The following ALDH18A1 variants were observed in gnomAD, a reference collection of about 807,000 sequenced individuals.
ALDH18A1 encodes the protein delta-1-pyrroline-5-carboxylate synthase.
Under a neutral mutation model 88.8 loss-of-function variants are expected in ALDH18A1, and 44 were observed. The observed-to-expected ratio is 0.50, with a 90% CI of 0.39 to 0.64. The LOEUF is 0.64. Ranked by LOEUF, ALDH18A1 falls within the 30% of genes least tolerant of loss-of-function variation. The probability of loss-of-function intolerance (pLI) is 0.00; values close to 1 mark genes in which losing one functional copy is unlikely to be tolerated. For missense variants in ALDH18A1, 782 were observed against 1,009.5 expected (o/e 0.77, Z 3.05); for synonymous variants, 331 against 372.1 (o/e 0.89, Z 1.27).
chr10:95,641,257 T>A (rs1481257305), intron 3 of ALDH18A1, among the ~76,000 whole-genome samples: 1 of 152,104 alleles, frequency 6.6e-6, no homozygotes, highest in African/African-American at 2.4e-5. Flanking sequence ...TCTGGACCCA[T>A]CGCTCACTGT....
At chr10:95,613,474 G>C (rs538848987) in intron 15 of ALDH18A1, among the ~76,000 whole-genome samples, 2 of 152,312 alleles carry the variant, frequency 1.3e-5, no homozygotes, top group Admixed American at 1.3e-4. Flanking sequence ...AGTCAGCATA[G>C]TGCCATGTGG....
chr10:95,622,338 C>A (rs978048356), intron 11 of ALDH18A1, among the ~76,000 whole-genome samples: 1 of 152,084 alleles, frequency 6.6e-6, no homozygotes, highest in African/African-American at 2.4e-5. Context: ...GCTAGGACTA[C>A]AGGCACGTAT....
chr10:95,647,817 A>G (rs1566044819), intron 2 of ALDH18A1, among the ~76,000 whole-genome samples: 1 of 152,246 alleles, frequency 6.6e-6, no homozygotes, highest in African/African-American at 2.4e-5. Context: ...TGCCTATCCA[A>G]TAAGTCTCCA....
intron 12 of ALDH18A1, among the ~76,000 whole-genome samples, chr10:95,617,072 C>A (rs1312547843): frequency 1.3e-5 from 2 of 152,156 alleles, no homozygotes; most frequent in African/African-American, 4.8e-5. Flanking sequence ...CATGGTGAAA[C>A]CCCATCTCTA....
rs774916138 is a variant in ALDH18A1, at chr10:95,610,208, C to T, written c.2195G>A (p.Arg732His). Residue 732 changes from arginine (R) to histidine (H), a missense_variant, in exon 17 of 18, where the codon CGC (arginine) becomes CAC (histidine). Coordinates refer to ENST00000371224, the MANE Select transcript of ALDH18A1 (RefSeq NM_002860.4). Reference sequence around the variant, plus strand: ...AGAGTCTTTCTTACCCAGTCCAAAGCGGTAACCATCAGAAAAGCGAGTGCT... The same window carrying T: ...AGAGTCTTTCTTACCCAGTCCAAAGTGGTAACCATCAGAAAAGCGAGTGCT... ...NASTRFSDGY[R>H]FGLGAEVGIS... 3 of 1,613,920 alleles carry T rather than the reference C, an allele frequency of 1.9e-6. No homozygotes were observed. Among genetic ancestry groups the T allele is most frequent in the Non-Finnish European group, 2.5e-6 (3 of 1,179,858 alleles).
intron 3 of ALDH18A1, among the ~76,000 whole-genome samples, chr10:95,638,975 C>G (rs2097886318): frequency 1.3e-5 from 2 of 151,922 alleles, no homozygotes; most frequent in African/African-American, 4.8e-5. Context: ...AGGACTCAAG[C>G]AACCCCCTGA....
chr10:95,637,848 T>C (rs544886073), intron 3 of ALDH18A1, among the ~76,000 whole-genome samples: 2 of 152,030 alleles, frequency 1.3e-5, no homozygotes, highest in South Asian at 4.1e-4. Flanking sequence ...GCATGCCAGC[T>C]ACTTGGGAGG....
At chr10:95,613,597 C>T in intron 15 of ALDH18A1, 145 bp downstream of exon 15, 1 of 1,087,662 alleles carries the variant, frequency 9.2e-7, no homozygotes, top group Non-Finnish European at 1.4e-6. Flanking sequence ...GTTTTACTCA[C>T]ACTTTACTTA....
chr10:95,616,178 C>A (rs1196858947), intron 13 of ALDH18A1, among the ~76,000 whole-genome samples: 1 of 152,204 alleles, frequency 6.6e-6, no homozygotes, highest in African/African-American at 2.4e-5. Flanking sequence ...GGAACCTAGG[C>A]CTCACACTCT....
chr10:95,650,953 G>A (rs2097909429), intron 2 of ALDH18A1, among the ~76,000 whole-genome samples: 1 of 152,096 alleles, frequency 6.6e-6, no homozygotes. Flanking sequence ...GGCCAACATG[G>A]TAAAACCCTG....
chr10:95,625,135 T>C (rs978971631), intron 11 of ALDH18A1, among the ~76,000 whole-genome samples: 3 of 152,158 alleles, frequency 2.0e-5, no homozygotes, highest in African/African-American at 7.2e-5. Flanking sequence ...TAGCCACAGC[T>C]TGTGACCTGT....
chr10:95,608,129 T>TGTC (rs1216874140), intron 17 of ALDH18A1, among the ~76,000 whole-genome samples: 1 of 152,246 alleles, frequency 6.6e-6, no homozygotes, highest in East Asian at 1.9e-4. Flanking sequence ...AATCTGTTAC[T>TGTC]GTCATTAATG....
chr10:95,635,755 C>T (rs540110798), intron 5 of ALDH18A1, among the ~76,000 whole-genome samples: 10 of 152,238 alleles, frequency 6.6e-5, no homozygotes, highest in African/African-American at 2.4e-4. Flanking sequence ...ATGGCTGATG[C>T]TGCATGGACT....
chr10:95,606,753 T>A lies in ALDH18A1; in HGVS notation c.*9A>T. 1.2e-6 allele frequency: 2 copies of A among 1,614,158 alleles called. No individual in the cohort carries two copies. Among genetic ancestry groups the A allele is most frequent in the South Asian group, 2.2e-5 (2 of 91,082 alleles). Reference sequence around the variant, plus strand: ...CTTTTGGAAAATTCCCGGGTTTTCCTGGCTCTTTTCAGTTGGTGTTTCTCT... The same window carrying A: ...CTTTTGGAAAATTCCCGGGTTTTCCAGGCTCTTTTCAGTTGGTGTTTCTCT... On this transcript the variant is annotated 3_prime_UTR_variant, in exon 18 of 18. Coordinates refer to ENST00000371224, the MANE Select transcript of ALDH18A1 (RefSeq NM_002860.4).
chr10:95,607,895 G>A (rs1252583062), intron 17 of ALDH18A1, among the ~76,000 whole-genome samples: 1 of 152,152 alleles, frequency 6.6e-6, no homozygotes, highest in African/African-American at 2.4e-5. Context: ...CAGTAGGGGC[G>A]GGATGTGCTT....
rs2097851496 is a variant in ALDH18A1, at chr10:95,621,019, G to A, written c.1467+12C>T. The A allele has an allele frequency of 1.9e-6, 3 of 1,612,272 alleles. No individual in the cohort carries two copies. The highest frequency in any genetic ancestry group is 4.5e-5 in the East Asian group (2 of 44,856). ...ATGGCAGGGTATTTATTCTCCCGGG[G>A]TATATACACACCTGGGGTAGACAGT... On this transcript the variant is annotated intron_variant, in intron 12 of 17. Coordinates refer to ENST00000371224, the MANE Select transcript of ALDH18A1 (RefSeq NM_002860.4).
intron 11 of ALDH18A1, among the ~76,000 whole-genome samples, chr10:95,622,297 A>G (rs1466043943): frequency 6.6e-6 from 1 of 152,152 alleles, no homozygotes; most frequent in Admixed American, 6.5e-5. Context: ...TCCGGGGCTC[A>G]AGTGATCCTC....
chr10:95,642,811 T>C (rs546325533), intron 3 of ALDH18A1, among the ~76,000 whole-genome samples, 181 bp downstream of exon 3: 47 of 152,364 alleles, frequency 3.1e-4, no homozygotes, highest in African/African-American at 1.1e-3. Flanking sequence ...TCCCATTTTC[T>C]TGCCCTAAGA....
At position 95,606,444 on chromosome 10, in the gene ALDH18A1, A is replaced by T; in HGVS notation, c.*318T>A. ...AGGGGGACTGTAAGTCACTGAGGTGACACAAAGCAGCCATGGGTTTTCCTC... is the reference window on the plus strand; with the variant it reads ...AGGGGGACTGTAAGTCACTGAGGTGTCACAAAGCAGCCATGGGTTTTCCTC... On this transcript the variant is annotated 3_prime_UTR_variant, in exon 18 of 18. Coordinates refer to ENST00000371224, the MANE Select transcript of ALDH18A1 (RefSeq NM_002860.4). 8.2e-7 allele frequency: 1 copy of T among 1,216,558 alleles called. No homozygotes were observed. Among genetic ancestry groups the T allele is most frequent in the Non-Finnish European group, 1.0e-6 (1 of 966,158 alleles). 75.4% of individuals were successfully genotyped at this position (1,216,558 alleles called of 1,614,324 possible). A position where few individuals can be genotyped will look rare whatever the true frequency, so the allele number is the denominator to read the frequency against.
Sources: gnomAD v4.1 joint callset for allele counts (sites outside exome capture counted in the v4.1 genomes callset) on GRCh38, gnomAD v4.1.1 for gene constraint, MANE v1.5 for transcripts, NCBI Gene and HGNC (gene_info 2026-07-23, HGNC 2026-07-21) for gene names.